The following RBFOX1 variants were observed in gnomAD, a reference collection of about 807,000 sequenced individuals.
RBFOX1 encodes the protein RNA binding fox-1 homolog 1.
A neutral mutation model predicts 57.7 loss-of-function variants in RBFOX1; 8 were observed. The ratio of observed to expected loss-of-function variants is 0.14; its 90% CI spans 0.08 to 0.25. RBFOX1 has a LOEUF of 0.25. Among genes scored for constraint, RBFOX1 ranks in the 10% least tolerant of loss-of-function variants. RBFOX1 has a pLI of 1.00. For synonymous variants in RBFOX1, 326 were observed against 222.4 expected (o/e 1.47, Z -4.15); for missense variants, 611 against 548.5 (o/e 1.11, Z -1.14).
intron 4 of RBFOX1, among the ~76,000 whole-genome samples, chr16:7,221,355 A>C (rs189374346): frequency 6.7e-6 from 1 of 149,512 alleles, no homozygotes; most frequent in East Asian, 2.1e-4. Flanking sequence ...TTATTTATTT[A>C]TTTATTTATT....
intron 1 of RBFOX1, among the ~76,000 whole-genome samples, chr16:6,078,180 T>G (rs2095938955): frequency 6.6e-6 from 1 of 152,180 alleles, no homozygotes; most frequent in East Asian, 1.9e-4. Context: ...GAGGAAATGC[T>G]TTGTACATAA....
intron 4 of RBFOX1, among the ~76,000 whole-genome samples, chr16:7,302,004 C>G (rs2096046637): frequency 1.3e-5 from 2 of 152,038 alleles, no homozygotes; most frequent in African/African-American, 4.8e-5. Flanking sequence ...TGAATGTGAC[C>G]TCTGATGCAA....
rs1567748563 is a variant in RBFOX1 at position 7,217,026 on chromosome 16, TCCCTCCCTCCC to T, written c.27+164929_27+164939del. Among the ~76,000 whole-genome samples the T allele has an allele frequency of 4.0e-4, 16 of 39,600 alleles. 1 individual carries two copies. Among genetic ancestry groups the T allele is most frequent in the African/African-American group, 1.2e-3 (16 of 13,014 alleles). 26.0% of individuals were successfully genotyped at this position (39,600 alleles called of 152,430 possible). On this transcript the variant is annotated intron_variant, in intron 4 of 15. Coordinates refer to ENST00000550418, the MANE Select transcript of RBFOX1 (RefSeq NM_018723.4). Reference sequence around the variant, plus strand: ...TCCCTCCCTTCCCTCCCTCCCTCCCTCCCTCCCTCCCTCCCTCCCTCCCTCCCTCTCTCTCC... The same window carrying T: ...TCCCTCCCTTCCCTCCCTCCCTCCCTTCCCTCCCTCCCTCCCTCTCTCTCC...
intron 1 of RBFOX1, among the ~76,000 whole-genome samples, chr16:6,085,931 A>G (rs565655840): frequency 2.0e-5 from 3 of 152,200 alleles, no homozygotes; most frequent in South Asian, 2.1e-4. Flanking sequence ...TCACCTAGGC[A>G]TTAAGCCCCA....
intron 2 of RBFOX1, among the ~76,000 whole-genome samples, chr16:6,614,707 T>A (rs1466717362): frequency 6.6e-6 from 1 of 152,162 alleles, no homozygotes; most frequent in Non-Finnish European, 1.5e-5. Context: ...GGCTTATGGG[T>A]CTATCACTCC....
intron 3 of RBFOX1, among the ~76,000 whole-genome samples, chr16:5,674,790 C>T (rs72765140): frequency 6.6e-6 from 1 of 152,270 alleles, no homozygotes; most frequent in Non-Finnish European, 1.5e-5. Context: ...TGGTGAAAAT[C>T]TGTTGGACAG....
intron 4 of RBFOX1, among the ~76,000 whole-genome samples, chr16:7,156,522 GAT>G (rs1224445063): frequency 7.9e-5 from 12 of 151,918 alleles, no homozygotes; most frequent in East Asian, 1.9e-4. Flanking sequence ...CATGCATGTA[GAT>G]ATATATGTGT....
At chr16:7,283,851 A>G (rs1412314257) in intron 4 of RBFOX1, among the ~76,000 whole-genome samples, 2 of 152,188 alleles carry the variant, frequency 1.3e-5, no homozygotes, top group Non-Finnish European at 2.9e-5. Flanking sequence ...TCAAGTTTCA[A>G]TAAGTGCATA....
intron 2 of RBFOX1, among the ~76,000 whole-genome samples, chr16:6,357,465 G>C (rs182263995): frequency 6.6e-6 from 1 of 151,902 alleles, no homozygotes; most frequent in African/African-American, 2.4e-5. Context: ...TTTCCTGGGG[G>C]TTTCTGTTCC....
chr16:5,571,979 G>A (rs1168757059), intron 2 of RBFOX1, among the ~76,000 whole-genome samples: 1 of 152,102 alleles, frequency 6.6e-6, no homozygotes, highest in East Asian at 1.9e-4. Flanking sequence ...TTTCTTATGT[G>A]GGGCCCCAGG....
At chr16:7,683,708 C>G (rs1412364318) in intron 14 of RBFOX1, among the ~76,000 whole-genome samples, 1 of 152,030 alleles carries the variant, frequency 6.6e-6, no homozygotes, top group Non-Finnish European at 1.5e-5. Context: ...TAAAGCCTGT[C>G]TTTTCAGTAG....
intron 3 of RBFOX1, among the ~76,000 whole-genome samples, chr16:5,821,757 C>G (rs2055865755): frequency 6.6e-6 from 1 of 152,172 alleles, no homozygotes; most frequent in South Asian, 2.1e-4. Context: ...GGTCAAGGCA[C>G]CAGCAGGTTC....
chr16:7,484,928 C>T (rs7194387), intron 4 of RBFOX1, among the ~76,000 whole-genome samples: 2 of 152,058 alleles, frequency 1.3e-5, no homozygotes, highest in African/African-American at 4.8e-5. Flanking sequence ...GACATTTGTC[C>T]CAACCCATAT....
At chr16:7,113,304 A>G (rs890564121) in intron 4 of RBFOX1, among the ~76,000 whole-genome samples, 4 of 152,120 alleles carry the variant, frequency 2.6e-5, no homozygotes, top group African/African-American at 9.7e-5. Flanking sequence ...ATAGTTTTTT[A>G]TCTTTTTTTG....
chr16:6,744,714 A>G (rs1361993245), intron 3 of RBFOX1, among the ~76,000 whole-genome samples: 1 of 152,128 alleles, frequency 6.6e-6, no homozygotes, highest in Non-Finnish European at 1.5e-5. Flanking sequence ...AGAAATTCAT[A>G]GCATTAAATA....
chr16:6,485,217 T>A (rs1472917174), intron 2 of RBFOX1, among the ~76,000 whole-genome samples: 1 of 152,202 alleles, frequency 6.6e-6, no homozygotes, highest in African/African-American at 2.4e-5. Context: ...CCAAGTCTTA[T>A]CTGCCCACAC....
chr16:7,376,717 ATAAT>A (rs1346421390), intron 4 of RBFOX1, among the ~76,000 whole-genome samples: 1 of 152,196 alleles, frequency 6.6e-6, no homozygotes, highest in East Asian at 1.9e-4. Context: ...AAGTACAAGT[ATAAT>A]TAATCCAGGT....
At chr16:6,921,724 T>C (rs1453939327) in intron 3 of RBFOX1, among the ~76,000 whole-genome samples, 2 of 151,800 alleles carry the variant, frequency 1.3e-5, no homozygotes, top group African/African-American at 4.8e-5. Flanking sequence ...ACCGTGATAA[T>C]GTTCATATAT....
chr16:6,499,708 T>C (rs1313350749), intron 2 of RBFOX1, among the ~76,000 whole-genome samples: 2 of 152,102 alleles, frequency 1.3e-5, no homozygotes, highest in East Asian at 3.9e-4. Context: ...TGGCTGGTTT[T>C]CCCCCTGATT....
Sources: allele counts gnomAD v4.1 joint callset (sites outside exome capture counted in the v4.1 genomes callset), GRCh38; gene constraint gnomAD v4.1.1; transcripts MANE v1.5; gene names NCBI Gene and HGNC (gene_info 2026-07-23, HGNC 2026-07-21).